PTPRD: variants seen among roughly 807,000 people sequenced by gnomAD.
PTPRD encodes protein tyrosine phosphatase receptor type D.
Under a neutral mutation model 214.5 loss-of-function variants are expected in PTPRD, and 34 were observed. That is an observed-to-expected ratio of 0.16 (90% CI 0.12 to 0.21). PTPRD has a LOEUF of 0.21. PTPRD is among the 10% of genes least tolerant of loss of function. The pLI is 1.00. For synonymous variants in PTPRD, 1,128 were observed against 845.7 expected (o/e 1.33, Z -5.79); for missense variants, 2,545 against 2,398.7 (o/e 1.06, Z -1.27).
At chr9:9,629,182 T>A (rs987195058) in intron 7 of PTPRD, among the ~76,000 whole-genome samples, 2 of 148,198 alleles carry the variant, frequency 1.3e-5, no homozygotes, top group African/African-American at 2.5e-5. Context: ...AAAAAATAAA[T>A]AAATAAATAA....
intron 9 of PTPRD, among the ~76,000 whole-genome samples, chr9:9,243,938 A>G (rs1405127766): frequency 1.3e-5 from 2 of 152,222 alleles, no homozygotes; most frequent in Non-Finnish European, 2.9e-5. Context: ...CAACTTCAGC[A>G]AAGTCTCAGG....
chr9:8,896,056 C>A (rs1262078242), intron 11 of PTPRD, among the ~76,000 whole-genome samples: 1 of 152,098 alleles, frequency 6.6e-6, no homozygotes, highest in Non-Finnish European at 1.5e-5. Flanking sequence ...CATTTCCTAT[C>A]TTTTTTCAGT....
intron 12 of PTPRD, among the ~76,000 whole-genome samples, chr9:8,733,576 G>T (rs923216578): frequency 6.6e-6 from 1 of 152,130 alleles, no homozygotes. Context: ...CACAAGAAAA[G>T]GGGCATTAAA....
intron 10 of PTPRD, among the ~76,000 whole-genome samples, chr9:9,147,189 T>A (rs1462548792): frequency 7.1e-6 from 1 of 141,746 alleles, no homozygotes; most frequent in Non-Finnish European, 1.6e-5. Context: ...CAGATTCTGT[T>A]ATTTGCAGAG....
intron 2 of PTPRD, among the ~76,000 whole-genome samples, chr9:10,500,707 C>T (rs944826135): frequency 1.3e-5 from 2 of 151,766 alleles, no homozygotes; most frequent in Admixed American, 6.6e-5. Context: ...CCCCAACTAC[C>T]CTTCCCAGAC....
At chr9:9,594,607 C>A (rs2093095326) in intron 7 of PTPRD, among the ~76,000 whole-genome samples, 1 of 152,188 alleles carries the variant, frequency 6.6e-6, no homozygotes, top group East Asian at 1.9e-4. Flanking sequence ...TTTCTGGGTT[C>A]TGTATTCTGT....
chr9:9,112,410 G>A (rs1344298918), intron 10 of PTPRD, among the ~76,000 whole-genome samples: 3 of 152,016 alleles, frequency 2.0e-5, no homozygotes, highest in African/African-American at 4.8e-5. Flanking sequence ...CTGACTGCTC[G>A]CTGCTTTTTT....
intron 8 of PTPRD, among the ~76,000 whole-genome samples, chr9:9,412,027 G>C (rs779231358): frequency 1.3e-5 from 2 of 152,168 alleles, no homozygotes. Context: ...CCACATTCAC[G>C]GGATCTTTCT....
intron 14 of PTPRD, among the ~76,000 whole-genome samples, chr9:8,598,928 G>C (rs533383686): frequency 1.1e-4 from 17 of 152,282 alleles, no homozygotes; most frequent in South Asian, 4.1e-4. Context: ...TGCTGGAAAA[G>C]GAGACAAAGG....
At chr9:10,175,878 A>T (rs973920480) in intron 3 of PTPRD, among the ~76,000 whole-genome samples, 1 of 152,028 alleles carries the variant, frequency 6.6e-6, no homozygotes, top group Non-Finnish European at 1.5e-5. Flanking sequence ...ATTAAAATAA[A>T]TCTCCACATG....
intron 3 of PTPRD, among the ~76,000 whole-genome samples, chr9:10,105,205 A>T (rs72694861): frequency 0.036 from 5,463 of 151,880 alleles, 177 homozygotes; most frequent in Admixed American, 0.092. Flanking sequence ...TACTCTCCAC[A>T]TTAGAAATTC....
chr9:8,733,057 G>C (rs1255849423), intron 12 of PTPRD, among the ~76,000 whole-genome samples: 3 of 152,218 alleles, frequency 2.0e-5, no homozygotes, highest in Non-Finnish European at 4.4e-5. Context: ...CCACAGGACA[G>C]ATGGGAAAAT....
intron 10 of PTPRD, among the ~76,000 whole-genome samples, chr9:9,132,166 C>G (rs993440534): frequency 2.0e-5 from 3 of 152,124 alleles, no homozygotes; most frequent in Admixed American, 1.3e-4. Flanking sequence ...CGCCACCATA[C>G]CTGGCTAATT....
chr9:8,937,459 A>G (rs2099005355), intron 11 of PTPRD, among the ~76,000 whole-genome samples: 1 of 152,188 alleles, frequency 6.6e-6, no homozygotes, highest in South Asian at 2.1e-4. Context: ...ACCCAGAAAG[A>G]AAACACTTGG....
At chr9:10,534,453 T>G (rs1027835065) in intron 2 of PTPRD, among the ~76,000 whole-genome samples, 1 of 152,076 alleles carries the variant, frequency 6.6e-6, no homozygotes, top group Non-Finnish European at 1.5e-5. Context: ...GTGTTTGACT[T>G]TTCTAATTCA....
At chr9:8,947,973 T>C (rs1386683233) in intron 11 of PTPRD, among the ~76,000 whole-genome samples, 1 of 151,650 alleles carries the variant, frequency 6.6e-6, no homozygotes, top group East Asian at 1.9e-4. Context: ...CATCATACAC[T>C]AGTAAGTTAT....
At chr9:9,692,793 T>G (rs775706223) in intron 7 of PTPRD, among the ~76,000 whole-genome samples, 7 of 152,028 alleles carry the variant, frequency 4.6e-5, no homozygotes, top group Non-Finnish European at 1.0e-4. Context: ...TTTAGTGGCC[T>G]CTTAAATTTC....
intron 12 of PTPRD, among the ~76,000 whole-genome samples, chr9:8,640,998 A>G (rs926410905): frequency 6.7e-6 from 1 of 148,344 alleles, no homozygotes; most frequent in Non-Finnish European, 1.5e-5. Context: ...TAATAACCCC[A>G]ACAAATGCTT....
At chr9:10,321,510 A>G (rs2096551963) in intron 3 of PTPRD, among the ~76,000 whole-genome samples, 1 of 152,120 alleles carries the variant, frequency 6.6e-6, no homozygotes, top group Admixed American at 6.6e-5. Flanking sequence ...GGTTGGAAAA[A>G]TAACAAGACA....
Sources: gnomAD v4.1 joint callset for allele counts (sites outside exome capture counted in the v4.1 genomes callset) on GRCh38, gnomAD v4.1.1 for gene constraint, MANE v1.5 for transcripts, NCBI Gene and HGNC (gene_info 2026-07-23, HGNC 2026-07-21) for gene names.